Variants in KAZN observed in about 807,000 individuals in gnomAD.
KAZN encodes the protein kazrin, periplakin interacting protein, also known as kazrin.
In KAZN, 40 loss-of-function variants were observed where a neutral mutation model predicts 87.4. The ratio of observed to expected loss-of-function variants is 0.46; its 90% CI spans 0.36 to 0.60. The LOEUF is 0.60. KAZN is among the 20% of genes least tolerant of loss of function. KAZN has a pLI of 0.00. For synonymous variants in KAZN, 466 were observed against 458.3 expected (o/e 1.02, Z -0.22); for missense variants, 898 against 1,073.9 (o/e 0.84, Z 2.29).
In KAZN at chr1:14,532,778, T is replaced by C. The variant is rs189307697; in HGVS notation, c.250-66205T>C. 7.2e-5 allele frequency among the ~76,000 whole-genome samples: 11 copies of C among 152,090 alleles called. No individual in the cohort carries two copies. In the East Asian group the frequency reaches 1.9e-3, roughly 27 times the overall value. ...GAATGCTGGTTTCCAGTTTCATCCA[T>C]GTCCCTACAAAGGACATGAACTCAT... On this transcript the variant is annotated intron_variant, in intron 2 of 16. Transcript: ENST00000636203.
chr1:14,587,587 A>G (rs950113338), intron 2 of KAZN, among the ~76,000 whole-genome samples: 1 of 151,920 alleles, frequency 6.6e-6, no homozygotes, highest in Non-Finnish European at 1.5e-5. Flanking sequence ...ATATGGCCAG[A>G]GCAGGAGTGA....
At chr1:14,347,750 G>C (rs1359581611) in intron 2 of KAZN, among the ~76,000 whole-genome samples, 4 of 152,192 alleles carry the variant, frequency 2.6e-5, no homozygotes, top group Middle Eastern at 3.4e-3. Flanking sequence ...GTGTGTGAGT[G>C]TATGACTCCT....
intron 1 of KAZN, among the ~76,000 whole-genome samples, chr1:14,716,899 C>T (rs776831432): frequency 1.6e-4 from 25 of 151,804 alleles, no homozygotes; most frequent in Non-Finnish European, 3.1e-4. Flanking sequence ...GTGCCACTGC[C>T]GGGGGAATGT....
intron 2 of KAZN, among the ~76,000 whole-genome samples, chr1:14,551,794 C>T (rs1232802441): frequency 2.0e-5 from 3 of 152,024 alleles, no homozygotes; most frequent in African/African-American, 7.2e-5. Context: ...ACAGAGTGGG[C>T]AATTACCAAA....
intron 1 of KAZN, among the ~76,000 whole-genome samples, chr1:14,154,594 C>T (rs1055628350): frequency 6.6e-6 from 1 of 152,148 alleles, no homozygotes; most frequent in East Asian, 1.9e-4. Context: ...GAAAGGCTTT[C>T]TGCTTTTCCC....
chr1:14,435,918 C>T lies in KAZN; in HGVS notation c.250-163065C>T, dbSNP rs565330574. ...ACGATATGGGTGACTCTATGTGGAG[C>T]GTTACTGTGTGCTGCCACTGAGTCA... On this transcript the variant is annotated intron_variant, in intron 2 of 16. Transcript: ENST00000636203. Among the ~76,000 whole-genome samples, 22 of 152,130 alleles carry T rather than the reference C, an allele frequency of 1.4e-4. No homozygotes were observed. The South Asian group carries it at 3.7e-3, about 26-fold the overall frequency.
chr1:14,424,698 G>C (rs1410903916), intron 2 of KAZN, among the ~76,000 whole-genome samples: 3 of 152,182 alleles, frequency 2.0e-5, no homozygotes, highest in South Asian at 2.1e-4. Context: ...ACATTGCAAA[G>C]AACCCATTTT....
At chr1:14,596,841 T>C (rs1276831164), upstream of KAZN, among the ~76,000 whole-genome samples, 3 of 152,258 alleles carry the variant, frequency 2.0e-5, no homozygotes, top group Non-Finnish European at 2.9e-5. Flanking sequence ...CAATCATCTG[T>C]TGATGGACAT....
chr1:13,894,806 T>C (rs1486173830), intron 1 of KAZN, among the ~76,000 whole-genome samples: 1 of 152,164 alleles, frequency 6.6e-6, no homozygotes, highest in East Asian at 1.9e-4. Context: ...CATCCAGGCC[T>C]GAGATTCGGT....
At chr1:13,955,336 A>G (rs999436235) in intron 1 of KAZN, among the ~76,000 whole-genome samples, 1 of 152,180 alleles carries the variant, frequency 6.6e-6, no homozygotes, top group Non-Finnish European at 1.5e-5. Context: ...ATAAAAATAC[A>G]TGTTTTTATT....
intron 1 of KAZN, among the ~76,000 whole-genome samples, chr1:14,710,322 T>C (rs997917294): frequency 6.6e-6 from 1 of 152,180 alleles, no homozygotes; most frequent in Admixed American, 6.5e-5. Context: ...CTGCTTCTCC[T>C]CTGGCCAGCC....
intron 1 of KAZN, among the ~76,000 whole-genome samples, chr1:14,084,590 T>C (rs1160334629): frequency 6.6e-6 from 1 of 152,072 alleles, no homozygotes; most frequent in Non-Finnish European, 1.5e-5. Flanking sequence ...TTCAAGGTGA[T>C]GCAGTTTGCT....
chr1:14,406,518 A>G (rs1196794377), intron 2 of KAZN, among the ~76,000 whole-genome samples: 1 of 152,038 alleles, frequency 6.6e-6, no homozygotes, highest in Admixed American at 6.6e-5. Flanking sequence ...AGAATGACAC[A>G]ATGGACTTTG....
chr1:14,888,678 G>A (rs76663268), intron 1 of KAZN, among the ~76,000 whole-genome samples: 13,702 of 152,196 alleles, frequency 0.09, 719 homozygotes, highest in Middle Eastern at 0.15. Context: ...TAGAGAGAGA[G>A]TGATGTATCA....
In KAZN at chr1:14,915,176, A is replaced by G. The variant is rs186973437; in HGVS notation, c.227-45508A>G. 9.2e-5 allele frequency among the ~76,000 whole-genome samples: 14 copies of G among 152,360 alleles called. No homozygotes were observed. In the East Asian group the frequency reaches 2.5e-3, roughly 27 times the overall value. On this transcript the variant is annotated intron_variant, in intron 1 of 14. Transcript: ENST00000376030. ...CACTCCAGCCTGGGCAACAAGAGCG[A>G]AACTCCGCCTCAAAAGAAAGAAAAA...
Position 14,521,780 on chromosome 1 carries a change from C to T in KAZN, c.250-77203C>T, listed in dbSNP as rs1413320146. ...GGAAGTGTGGTTACTGAGGATTAAG[C>T]TTGAGTCGACCTTGAGTTAGGGGTC... On this transcript the variant is annotated intron_variant, in intron 2 of 16. Coordinates refer to the KAZN transcript ENST00000636203. Among the ~76,000 whole-genome samples, 3 of 152,164 alleles carry T rather than the reference C, an allele frequency of 2.0e-5. No homozygotes were observed. The East Asian group carries it at 5.8e-4, about 29-fold the overall frequency.
At chr1:14,362,542 G>A (rs1163305414) in intron 2 of KAZN, among the ~76,000 whole-genome samples, 1 of 152,214 alleles carries the variant, frequency 6.6e-6, no homozygotes, top group Non-Finnish European at 1.5e-5. Context: ...ATGAATGCCA[G>A]GAGGTAGGAA....
chr1:14,552,748 T>A (rs546627224), intron 2 of KAZN, among the ~76,000 whole-genome samples: 1 of 152,312 alleles, frequency 6.6e-6, no homozygotes, highest in East Asian at 1.9e-4. Context: ...GTAAGAAGAA[T>A]TTCCCTTTAT....
intron 14 of KAZN, 46 bp downstream of exon 14, chr1:15,112,587 A>AAGGTCTTTTTTTTCTTCTCCCGGCGGC: frequency 1.5e-6 from 2 of 1,293,608 alleles, no homozygotes; most frequent in East Asian, 2.5e-5. Context: ...AGACCCGGGA[A>AAGGTCTTTTTTTTCTTCTCCCGGCGGC]AGGTCTTTTT....
Sources: gnomAD v4.1 joint callset for allele counts (sites outside exome capture counted in the v4.1 genomes callset) on GRCh38, gnomAD v4.1.1 for gene constraint, MANE v1.5 for transcripts, NCBI Gene and HGNC (gene_info 2026-07-23, HGNC 2026-07-21) for gene names.